The following GALNT13 variants were observed in gnomAD, a reference collection of about 807,000 sequenced individuals.
The protein encoded by GALNT13 is UDP-GalNAc:polypeptide N-acetylgalactosaminyltransferase 13.
GALNT13 carries 28 observed loss-of-function variants against 64.2 expected under a neutral mutation model. That is an observed-to-expected ratio of 0.44 (90% CI 0.32 to 0.60). The LOEUF is 0.60. Ranked by LOEUF, GALNT13 falls within the 20% of genes least tolerant of loss-of-function variation. The pLI is 0.05. For missense variants in GALNT13, 577 were observed against 669.8 expected (o/e 0.86, Z 1.53); for synonymous variants, 214 against 224.6 (o/e 0.95, Z 0.42).
At chr2:154,091,332 C>G (rs529658083) in intron 3 of GALNT13, among the ~76,000 whole-genome samples, 1 of 151,928 alleles carries the variant, frequency 6.6e-6, no homozygotes, top group East Asian at 1.9e-4. Flanking sequence ...GTTCTTACTA[C>G]TGACTTGAAT....
chr2:154,335,905 C>T (rs1428393713), intron 9 of GALNT13, among the ~76,000 whole-genome samples: 1 of 151,958 alleles, frequency 6.6e-6, no homozygotes, highest in Non-Finnish European at 1.5e-5. Context: ...GCAACTTTAT[C>T]TCTTATATTT....
the GALNT13 span, among the ~76,000 whole-genome samples, chr2:153,474,102 G>C: frequency 1.3e-5 from 2 of 151,742 alleles, no homozygotes; most frequent in African/African-American, 4.8e-5. Flanking sequence ...TTCCAGTAGA[G>C]GAGCACTTGT....
chr2:153,305,951 C>T, the GALNT13 span, among the ~76,000 whole-genome samples: 77 of 152,292 alleles, frequency 5.1e-4, no homozygotes, highest in East Asian at 3.7e-3. Flanking sequence ...GCCGTGTTCT[C>T]CCACCCAGGA....
At chr2:153,090,844 C>T in the GALNT13 span, among the ~76,000 whole-genome samples, 8 of 152,040 alleles carry the variant, frequency 5.3e-5, no homozygotes, top group South Asian at 2.1e-4. Context: ...GTGTTAGTTC[C>T]GTAGGAGACC....
chr2:153,837,450 G>T, the GALNT13 span, among the ~76,000 whole-genome samples: 4 of 151,956 alleles, frequency 2.6e-5, no homozygotes, highest in Non-Finnish European at 5.9e-5. Flanking sequence ...GTTCCATTCT[G>T]TTTCTATGAG....
the GALNT13 span, among the ~76,000 whole-genome samples, chr2:153,481,993 C>T: frequency 6.6e-6 from 1 of 152,002 alleles, no homozygotes; most frequent in Non-Finnish European, 1.5e-5. Flanking sequence ...AATTCAGAAG[C>T]CACTCATAAT....
chr2:154,298,674 G>T (rs746826185), intron 8 of GALNT13, among the ~76,000 whole-genome samples: 1 of 77,388 alleles, frequency 1.3e-5, no homozygotes, highest in Non-Finnish European at 2.5e-5. Context: ...TATATACATT[G>T]TATATACAAT....
At chr2:154,073,989 G>A (rs1362515900) in intron 3 of GALNT13, among the ~76,000 whole-genome samples, 1 of 151,650 alleles carries the variant, frequency 6.6e-6, no homozygotes, top group African/African-American at 2.4e-5. Context: ...CTGGTTTTTT[G>A]ATAATAAAAG....
At chr2:153,983,396 A>G (rs1420337730) in intron 3 of GALNT13, among the ~76,000 whole-genome samples, 2 of 151,844 alleles carry the variant, frequency 1.3e-5, no homozygotes, top group East Asian at 1.9e-4. Context: ...GGTAATTAAT[A>G]TTGATATTTA....
chr2:153,648,644 A>T, the GALNT13 span, among the ~76,000 whole-genome samples: 1 of 152,160 alleles, frequency 6.6e-6, no homozygotes, highest in African/African-American at 2.4e-5. Context: ...CGTCCCATCA[A>T]TACCTAATTT....
intron 9 of GALNT13, among the ~76,000 whole-genome samples, chr2:154,314,553 G>C (rs186372872): frequency 6.6e-6 from 1 of 152,166 alleles, no homozygotes; most frequent in Non-Finnish European, 1.5e-5. Context: ...CATGGCATCA[G>C]AATCTGCCTG....
the GALNT13 span, among the ~76,000 whole-genome samples, chr2:153,166,504 T>G: frequency 6.6e-6 from 1 of 152,130 alleles, no homozygotes; most frequent in Non-Finnish European, 1.5e-5. Context: ...GTAGAGGAGT[T>G]TATTAGGACT....
In GALNT13 at chr2:154,348,289, A is replaced by G. The variant is rs185057158; in HGVS notation, c.1156+46700A>G. On this transcript the variant is annotated intron_variant, in intron 9 of 12. Transcript: ENST00000392825. ...ACTTCCCAGTCATTTGAGAGTGGGA[A>G]GAACCTACCCAAATGAATGGCTACC... Among the ~76,000 whole-genome samples, 42 of 152,224 alleles carry G rather than the reference A, an allele frequency of 2.8e-4. No individual in the cohort carries two copies. The East Asian group carries it at 6.4e-3, about 23-fold the overall frequency.
chr2:153,805,008 C>T, the GALNT13 span, among the ~76,000 whole-genome samples: 1 of 151,704 alleles, frequency 6.6e-6, no homozygotes, highest in Non-Finnish European at 1.5e-5. Flanking sequence ...CTAAATAAAA[C>T]ACAAGAGTAA....
chr2:153,536,154 G>A, the GALNT13 span, among the ~76,000 whole-genome samples: 1 of 152,172 alleles, frequency 6.6e-6, no homozygotes, highest in Non-Finnish European at 1.5e-5. Context: ...AAGCATGAGG[G>A]TTTTCTTTTC....
At chr2:153,803,715 G>GA in the GALNT13 span, among the ~76,000 whole-genome samples, 778 of 130,600 alleles carry the variant, frequency 6.0e-3, 5 homozygotes, top group Non-Finnish European at 9.3e-3. Flanking sequence ...AAAAGAAAAA[G>GA]AAAAAAGAAA....
chr2:154,426,161 G>A (rs1700460677), intron 11 of GALNT13, among the ~76,000 whole-genome samples: 1 of 152,102 alleles, frequency 6.6e-6, no homozygotes, highest in South Asian at 2.1e-4. Flanking sequence ...CTGGTTCCTG[G>A]CAAAGTTCAG....
intron 3 of GALNT13, among the ~76,000 whole-genome samples, chr2:154,093,683 T>TC (rs1553476816): frequency 7.1e-4 from 107 of 151,650 alleles, no homozygotes; most frequent in African/African-American, 1.5e-3. Context: ...TTTTTTTTTT[T>TC]CATCGGACTC....
At chr2:153,536,723 G>A in the GALNT13 span, among the ~76,000 whole-genome samples, 1 of 152,106 alleles carries the variant, frequency 6.6e-6, no homozygotes, top group East Asian at 1.9e-4. Flanking sequence ...TCTACTCTCA[G>A]GGTACTTACA....
Sources: allele counts gnomAD v4.1 joint callset (sites outside exome capture counted in the v4.1 genomes callset), GRCh38; gene constraint gnomAD v4.1.1; transcripts MANE v1.5; gene names NCBI Gene and HGNC (gene_info 2026-07-23, HGNC 2026-07-21).